Variants in KATNAL2 observed in about 807,000 individuals in gnomAD.
KATNAL2 encodes katanin p60 ATPase-containing subunit A-like 2.
KATNAL2 carries 52 observed loss-of-function variants against 76.3 expected under a neutral mutation model. That is an observed-to-expected ratio of 0.68 (90% CI 0.55 to 0.86). The LOEUF is 0.86. Ranked by LOEUF, KATNAL2 falls within the 40% of genes least tolerant of loss-of-function variation. The pLI, the probability that KATNAL2 is intolerant of heterozygous loss-of-function variation, is 0.00. For synonymous variants in KATNAL2, 243 were observed against 244.2 expected (o/e 1.00, Z 0.05); for missense variants, 660 against 668.9 (o/e 0.99, Z 0.15).
chr18:47,097,118 C>CAAAAAAAAAAAAAAAAA (rs58101085), intron 15 of KATNAL2, among the ~76,000 whole-genome samples: 1 of 70,912 alleles, frequency 1.4e-5, no homozygotes. Context: ...GACCCTGGCT[C>CAAAAAAAAAAAAAAAAA]AAAAAAAAAA....
intron 1 of KATNAL2, among the ~76,000 whole-genome samples, chr18:46,937,451 T>A (rs2059126281): frequency 6.6e-6 from 1 of 152,138 alleles, no homozygotes; most frequent in Non-Finnish European, 1.5e-5. Flanking sequence ...GTATCCTGGC[T>A]GGGATCCTGA....
At chr18:47,039,017 C>T (rs2146999625) in intron 3 of KATNAL2, among the ~76,000 whole-genome samples, 1 of 152,252 alleles carries the variant, frequency 6.6e-6, no homozygotes, top group South Asian at 2.1e-4. Context: ...TGTCTGGGGG[C>T]TGAAAAAGCA....
chr18:46,928,048 G>T (rs944159246), intron 1 of KATNAL2, among the ~76,000 whole-genome samples: 2 of 152,074 alleles, frequency 1.3e-5, no homozygotes, highest in African/African-American at 4.8e-5. Context: ...CTGTAGCTCG[G>T]AGTAGTTTGA....
rs1413345984 is a variant in KATNAL2 at position 47,033,256 on chromosome 18, C to T, written c.52-13201C>T. The stretch of plus-strand genomic sequence containing the variant: ...GGGCTTGGAGGCTGGCTTGATCTCC[C>T]CATTTTCGGGGTCAGCGTCTCCTGC... On this transcript the variant is annotated intron_variant, in intron 3 of 17. Transcript: ENST00000683218. The T allele has an allele frequency of 1.9e-6, 3 of 1,613,662 alleles. No homozygotes were observed. The South Asian group carries it at 3.3e-5, about 18-fold the overall frequency.
intron 15 of KATNAL2, chr18:47,098,221 C>CAAAAAAA: frequency 3.2e-6 from 1 of 309,680 alleles, no homozygotes. Context: ...GACTCCGTCT[C>CAAAAAAA]AAAAAAAAAA....
At chr18:46,955,150 C>CTTTCTTTCTTTCTTTCTTTCTT (rs2059697787) in intron 3 of KATNAL2, among the ~76,000 whole-genome samples, 1 of 135,852 alleles carries the variant, frequency 7.4e-6, no homozygotes, top group Non-Finnish European at 1.6e-5. Context: ...CTCTTTCTTT[C>CTTTCTTTCTTTCTTTCTTTCTT]TTTCTTTCTT....
At chr18:47,099,071 C>T (rs2063366851) in intron 15 of KATNAL2, 172 bp from the exon 16 acceptor site, 1 of 534,664 alleles carries the variant, frequency 1.9e-6, no homozygotes, top group Non-Finnish European at 3.2e-6. Flanking sequence ...TCTTTCTCAC[C>T]AATTCTTTCT....
chr18:47,065,503 C>G (rs141960029), intron 10 of KATNAL2, among the ~76,000 whole-genome samples: 1 of 152,090 alleles, frequency 6.6e-6, no homozygotes, highest in Non-Finnish European at 1.5e-5. Context: ...GCCCAGAGAC[C>G]ATTTCTAGAG....
chr18:47,082,800 G>C (rs2062591242), intron 15 of KATNAL2, among the ~76,000 whole-genome samples: 1 of 152,170 alleles, frequency 6.6e-6, no homozygotes, highest in Admixed American at 6.5e-5. Flanking sequence ...TAGGTTCCTT[G>C]AAGTAGATTT....
At chr18:47,077,820 T>C (rs150810250) in intron 15 of KATNAL2, among the ~76,000 whole-genome samples, 27 of 152,336 alleles carry the variant, frequency 1.8e-4, no homozygotes, top group South Asian at 1.5e-3. Flanking sequence ...TTGAATTTTA[T>C]AGTATTAAAA....
intron 3 of KATNAL2, among the ~76,000 whole-genome samples, chr18:47,041,294 G>A (rs770192619): frequency 1.4e-4 from 22 of 152,174 alleles, no homozygotes; most frequent in Non-Finnish European, 2.5e-4. Flanking sequence ...GATGCCTATC[G>A]GTTACTATAA....
intron 15 of KATNAL2, among the ~76,000 whole-genome samples, chr18:47,096,593 G>T (rs768930547): frequency 1.3e-5 from 2 of 152,094 alleles, no homozygotes; most frequent in Non-Finnish European, 2.9e-5. Flanking sequence ...CAAGGGCTGG[G>T]ATTACAGGCG....
intron 15 of KATNAL2, among the ~76,000 whole-genome samples, chr18:47,090,602 A>G (rs1291350532): frequency 6.6e-6 from 1 of 152,162 alleles, no homozygotes; most frequent in Non-Finnish European, 1.5e-5. Flanking sequence ...CAATAATAAG[A>G]ATAAAAATAT....
chr18:47,082,186 TGTG>T (rs1436788241), intron 15 of KATNAL2, among the ~76,000 whole-genome samples: 1 of 152,210 alleles, frequency 6.6e-6, no homozygotes, highest in African/African-American at 2.4e-5. Flanking sequence ...AAAGAGCTAA[TGTG>T]GGATTTCTCA....
intron 17 of KATNAL2, among the ~76,000 whole-genome samples, chr18:47,100,661 C>T (rs1022773654): frequency 6.6e-6 from 1 of 152,158 alleles, no homozygotes; most frequent in Non-Finnish European, 1.5e-5. Context: ...ATTTAGGTCA[C>T]ATTTTTTTGT....
chr18:47,059,075 T>C (rs904243668), intron 7 of KATNAL2, among the ~76,000 whole-genome samples: 1 of 152,136 alleles, frequency 6.6e-6, no homozygotes, highest in Non-Finnish European at 1.5e-5. Flanking sequence ...CAATATCCGA[T>C]TGGTCAAAAG....
chr18:47,067,602 G>A (rs183085765), intron 11 of KATNAL2, among the ~76,000 whole-genome samples: 3 of 152,262 alleles, frequency 2.0e-5, no homozygotes, highest in East Asian at 3.9e-4. Flanking sequence ...AAGCCAGCCT[G>A]TTGTGCTCAT....
At chr18:47,049,575 T>G (rs2061276579) in intron 4 of KATNAL2, among the ~76,000 whole-genome samples, 1 of 152,214 alleles carries the variant, frequency 6.6e-6, no homozygotes, top group Admixed American at 6.5e-5. Flanking sequence ...TGGCAGATAT[T>G]GGGTTAAATT....
At chr18:47,080,435 A>C (rs2062454129) in intron 15 of KATNAL2, among the ~76,000 whole-genome samples, 2 of 152,174 alleles carry the variant, frequency 1.3e-5, no homozygotes, top group African/African-American at 4.8e-5. Flanking sequence ...TCTTTACCCC[A>C]AAAAGAAACC....
Sources: allele counts gnomAD v4.1 joint callset (sites outside exome capture counted in the v4.1 genomes callset), GRCh38; gene constraint gnomAD v4.1.1; transcripts MANE v1.5; gene names NCBI Gene and HGNC (gene_info 2026-07-23, HGNC 2026-07-21).